The following DISC1 variants were observed in gnomAD, a reference collection of about 807,000 sequenced individuals.
DISC1 encodes DISC1 scaffold protein, also known as disrupted in schizophrenia 1 protein.
A neutral mutation model predicts 84.5 loss-of-function variants in DISC1; 57 were observed. The ratio of observed to expected loss-of-function variants is 0.67; its 90% CI spans 0.55 to 0.84. The LOEUF (loss-of-function observed/expected upper bound fraction) is 0.84, where lower values mean the gene tolerates loss of function less well. DISC1 is among the 40% of genes least tolerant of loss of function. DISC1 has a pLI of 0.00. For missense variants in DISC1, 1,000 were observed against 1,057.8 expected, an observed-to-expected ratio of 0.95 and a Z score of 0.76; for synonymous variants, 411 against 415.2, an observed-to-expected ratio of 0.99 and a Z score of 0.12.
chr1:231,649,949 T>G (rs924942603), intron 1 of DISC1, among the ~76,000 whole-genome samples: 2 of 152,220 alleles, frequency 1.3e-5, no homozygotes, highest in Non-Finnish European at 2.9e-5. Context: ...TTTGAGCCTA[T>G]GTGTGTCTCT....
chr1:231,726,327 T>C (rs1235079511), intron 3 of DISC1, among the ~76,000 whole-genome samples: 1 of 152,202 alleles, frequency 6.6e-6, no homozygotes, highest in Non-Finnish European at 1.5e-5. Context: ...GAATTGCCCA[T>C]GCAGCTGTGG....
At chr1:231,963,545 G>GC (rs1381423635) in intron 10 of DISC1, among the ~76,000 whole-genome samples, 3 of 151,960 alleles carry the variant, frequency 2.0e-5, no homozygotes, top group African/African-American at 7.2e-5. Flanking sequence ...CCCTCACCAG[G>GC]CCTTCCCATT....
At chr1:232,028,792 A>C (rs1669721072) in intron 12 of DISC1, among the ~76,000 whole-genome samples, 1 of 152,248 alleles carries the variant, frequency 6.6e-6, no homozygotes. Flanking sequence ...GTTTCAAGGT[A>C]GATTGATTCA....
chr1:231,816,755 C>G (rs2081029657), intron 8 of DISC1, among the ~76,000 whole-genome samples: 1 of 152,280 alleles, frequency 6.6e-6, no homozygotes, highest in South Asian at 2.1e-4. Context: ...TTCCATCGAT[C>G]TGTTTGTCTA....
In DISC1 at chr1:232,032,570, C is replaced by T. The variant is rs72762367; in HGVS notation, c.2426-4122C>T. On this transcript the variant is annotated intron_variant, in intron 12 of 12. Coordinates refer to ENST00000439617, the MANE Select transcript of DISC1 (RefSeq NM_018662.3). ...AAAGATGTTAGGATGTTCATCCCTG[C>T]GACGTTGTTATAATGAATCTGCTAA... Among the ~76,000 whole-genome samples the T allele has an allele frequency of 7.5e-3, 1,136 of 152,182 alleles. 9 individuals are homozygous for T. The highest frequency in any genetic ancestry group is 0.031 in the Middle Eastern group (9 of 294).
At chr1:232,035,864 C>T (rs1278930604) in intron 12 of DISC1, among the ~76,000 whole-genome samples, 6 of 152,180 alleles carry the variant, frequency 3.9e-5, no homozygotes, top group African/African-American at 1.2e-4. Flanking sequence ...AACACCCAGA[C>T]GAGAACCCGT....
intron 9 of DISC1, among the ~76,000 whole-genome samples, chr1:231,872,046 C>G (rs7553949): frequency 0.49 from 74,274 of 152,054 alleles, 18,242 homozygotes; most frequent in South Asian, 0.52. Flanking sequence ...CAGCCGTGCA[C>G]TGGGACAGTT....
intron 3 of DISC1, chr1:231,721,146 TG>T: frequency 8.0e-7 from 1 of 1,251,212 alleles, no homozygotes; most frequent in Non-Finnish European, 1.0e-6. Flanking sequence ...CCTACCTTGC[TG>T]GGCTGATGAA....
chr1:231,971,858 G>A (rs1662003612), intron 10 of DISC1, among the ~76,000 whole-genome samples: 1 of 152,112 alleles, frequency 6.6e-6, no homozygotes, highest in Non-Finnish European at 1.5e-5. Context: ...TTTCAGTTGT[G>A]CTTCTTTAAG....
chr1:231,844,491 G>A (rs2083304230), intron 9 of DISC1, among the ~76,000 whole-genome samples: 1 of 152,078 alleles, frequency 6.6e-6, no homozygotes, highest in Non-Finnish European at 1.5e-5. Context: ...TTTTCATGGA[G>A]CTTGGTTTTA....
intron 9 of DISC1, among the ~76,000 whole-genome samples, chr1:231,856,894 G>A (rs771988696): frequency 2.6e-5 from 4 of 152,342 alleles, no homozygotes; most frequent in South Asian, 2.1e-4. Flanking sequence ...TCAGGCCAAA[G>A]CATTCATTAG....
intron 4 of DISC1, among the ~76,000 whole-genome samples, chr1:231,766,439 G>A (rs1460477249): frequency 6.6e-6 from 1 of 152,074 alleles, no homozygotes; most frequent in Non-Finnish European, 1.5e-5. Flanking sequence ...ATGTGATGTG[G>A]GCTCTGCAAG....
In DISC1 at chr1:231,660,533, A is replaced by G. The variant is rs146429007; in HGVS notation, c.68-33293A>G. Among the ~76,000 whole-genome samples the G allele has an allele frequency of 7.4e-3, 1,120 of 152,198 alleles. 26 individuals are homozygous for G. The highest frequency in any genetic ancestry group is 0.05 in the Admixed American group (758 of 15,300). On this transcript the variant is annotated intron_variant, in intron 1 of 12. Transcript: ENST00000439617. ...TCTGTGTCACCCAGGCTGGAGTGCA[A>G]TGGTGCAGTCCCAGCTCACGGCAAC...
intron 12 of DISC1, among the ~76,000 whole-genome samples, chr1:232,028,600 G>A (rs1669702511): frequency 6.6e-6 from 1 of 152,094 alleles, no homozygotes; most frequent in Admixed American, 6.5e-5. Context: ...GTAATGTCAG[G>A]ATAACATACA....
At position 232,009,376 on chromosome 1, in the gene DISC1, A is replaced by T; in HGVS notation, c.2307+327A>T. The T allele has an allele frequency of 1.2e-6, 1 of 846,520 alleles. No individual in the cohort carries two copies. Among genetic ancestry groups the T allele is most frequent in the Non-Finnish European group, 1.5e-6 (1 of 687,190 alleles). 52.4% of individuals were successfully genotyped at this position (846,520 alleles called of 1,614,324 possible). On this transcript the variant is annotated intron_variant, in intron 11 of 12. Transcript: ENST00000439617. This position sits in a 1 kb window ranked among gnomAD's most constrained non-coding sequence, Gnocchi z 4.6. ...ATATGTCATATATAATATAGTTATTATATTCACTATAGATTATATATGCCA... is the reference window on the plus strand; with the variant it reads ...ATATGTCATATATAATATAGTTATTTTATTCACTATAGATTATATATGCCA...
chr1:231,930,747 G>A (rs1353774824), intron 9 of DISC1, among the ~76,000 whole-genome samples: 1 of 152,134 alleles, frequency 6.6e-6, no homozygotes, highest in East Asian at 1.9e-4. Context: ...ATAGATGGGT[G>A]CAAACTCAAT....
At chr1:232,032,853 A>G (rs1272589902) in intron 12 of DISC1, among the ~76,000 whole-genome samples, 1 of 152,220 alleles carries the variant, frequency 6.6e-6, no homozygotes, top group Admixed American at 6.5e-5. Flanking sequence ...ATTAAGGTCA[A>G]GGTCAAGTGT....
intron 9 of DISC1, among the ~76,000 whole-genome samples, chr1:231,936,268 A>AT (rs1221592553): frequency 6.6e-6 from 1 of 151,852 alleles, no homozygotes; most frequent in African/African-American, 2.4e-5. Context: ...TTTCTCATAG[A>AT]TTCACCGTTT....
chr1:231,936,337 C>T (rs1178082083), intron 9 of DISC1, among the ~76,000 whole-genome samples: 1 of 152,114 alleles, frequency 6.6e-6, no homozygotes, highest in Non-Finnish European at 1.5e-5. Flanking sequence ...AGCATCTAGC[C>T]CCAGTTCCTA....
Sources: allele counts gnomAD v4.1 joint callset (sites outside exome capture counted in the v4.1 genomes callset), GRCh38; gene constraint gnomAD v4.1.1; non-coding constraint Gnocchi (gnomAD v3.1); transcripts MANE v1.5; gene names NCBI Gene and HGNC (gene_info 2026-07-23, HGNC 2026-07-21).